CLSTN2: variants seen among roughly 807,000 people sequenced by gnomAD.
CLSTN2 encodes the protein calsyntenin 2.
A neutral mutation model predicts 101.2 loss-of-function variants in CLSTN2; 48 were observed. The observed-to-expected ratio is 0.47, with a 90% CI of 0.38 to 0.60. The LOEUF is 0.60. CLSTN2 is among the 20% of genes least tolerant of loss of function. The pLI, the probability that CLSTN2 is intolerant of heterozygous loss-of-function variation, is 0.00. For missense variants in CLSTN2, 1,160 were observed against 1,238.2 expected (o/e 0.94, Z 0.95); for synonymous variants, 481 against 463.6 (o/e 1.04, Z -0.48).
chr3:140,147,809 T>G (rs1240787222), intron 1 of CLSTN2, among the ~76,000 whole-genome samples: 1 of 152,188 alleles, frequency 6.6e-6, no homozygotes, highest in Non-Finnish European at 1.5e-5. Context: ...GTGCTGGCCA[T>G]TGCTATAGTG....
intron 5 of CLSTN2, among the ~76,000 whole-genome samples, chr3:140,443,129 C>A (rs1932997311): frequency 6.6e-6 from 1 of 152,248 alleles, no homozygotes; most frequent in African/African-American, 2.4e-5. Context: ...TCCAGCCACT[C>A]ACTTTGTGTA....
intron 2 of CLSTN2, among the ~76,000 whole-genome samples, chr3:140,395,548 G>A (rs1451659673): frequency 6.6e-6 from 1 of 152,154 alleles, no homozygotes; most frequent in African/African-American, 2.4e-5. Context: ...CAACCCAGAT[G>A]TGTGAAGAAA....
chr3:140,352,295 A>G (rs1026595525), intron 2 of CLSTN2, among the ~76,000 whole-genome samples: 2 of 152,212 alleles, frequency 1.3e-5, no homozygotes, highest in Non-Finnish European at 2.9e-5. Flanking sequence ...TTGGAAAAGC[A>G]CAGGTGTTAG....
chr3:140,132,571 C>G (rs147326500), intron 1 of CLSTN2, among the ~76,000 whole-genome samples: 14 of 152,234 alleles, frequency 9.2e-5, no homozygotes, highest in South Asian at 4.1e-4. Context: ...GTCTTGGGGT[C>G]AGTTTTCTGC....
chr3:140,483,745 A>G (rs1934179266), intron 8 of CLSTN2, among the ~76,000 whole-genome samples: 1 of 152,078 alleles, frequency 6.6e-6, no homozygotes, highest in Non-Finnish European at 1.5e-5. Flanking sequence ...AGTCTGTTTT[A>G]TCAGAGACTA....
Position 140,348,226 on chromosome 3 carries a change from C to T in CLSTN2, c.233-55403C>T, listed in dbSNP as rs1277133110. On this transcript the variant is annotated intron_variant, in intron 2 of 16. Coordinates refer to ENST00000458420, the MANE Select transcript of CLSTN2 (RefSeq NM_022131.3). The stretch of plus-strand genomic sequence containing the variant: ...TGGATTCAGTTTCTCAGAAAGAAAC[C>T]ACATTTTGCAGTCTAGTCCCATAAG... Among the ~76,000 whole-genome samples, 4 of 152,240 alleles carry T rather than the reference C, an allele frequency of 2.6e-5. No homozygotes were observed. In the East Asian group the frequency reaches 5.8e-4, roughly 22 times the overall value.
chr3:140,306,845 CTTT>C (rs892343430), intron 2 of CLSTN2, among the ~76,000 whole-genome samples: 3 of 114,772 alleles, frequency 2.6e-5, no homozygotes, highest in Admixed American at 8.9e-5. Flanking sequence ...CCATTTTTGT[CTTT>C]TTATTATTAT....
At chr3:140,322,563 G>A (rs1198547325) in intron 2 of CLSTN2, among the ~76,000 whole-genome samples, 5 of 152,218 alleles carry the variant, frequency 3.3e-5, no homozygotes, top group African/African-American at 1.2e-4. Context: ...AGATGTCAAT[G>A]TACTGAGTCT....
chr3:140,394,999 T>G (rs144955785), intron 2 of CLSTN2, among the ~76,000 whole-genome samples: 1 of 152,228 alleles, frequency 6.6e-6, no homozygotes, highest in East Asian at 1.9e-4. Context: ...GAGGGACCTC[T>G]CCAAGTCTCT....
At chr3:140,187,997 G>C (rs1377553901) in intron 2 of CLSTN2, among the ~76,000 whole-genome samples, 1 of 152,084 alleles carries the variant, frequency 6.6e-6, no homozygotes, top group Non-Finnish European at 1.5e-5. Flanking sequence ...CATCCTCATG[G>C]CCACAGGTCC....
At chr3:140,286,602 C>A (rs955203770) in intron 2 of CLSTN2, among the ~76,000 whole-genome samples, 1 of 152,224 alleles carries the variant, frequency 6.6e-6, no homozygotes, top group African/African-American at 2.4e-5. Context: ...CCTCCCTCCT[C>A]AGCCTTGGAG....
At position 140,170,220 on chromosome 3, in the gene CLSTN2, A is replaced by G. The variant is rs990747290; in HGVS notation, c.110-5731A>G. On this transcript the variant is annotated intron_variant, in intron 1 of 16. Transcript: ENST00000458420. ...TCCTCAAAATGATCATTTGACCACT[A>G]AAAAGAATAAGTAATTATTGTACAA... Among the ~76,000 whole-genome samples, 8 of 152,314 alleles carry G rather than the reference A, an allele frequency of 5.3e-5. No individual in the cohort carries two copies. In the South Asian group the frequency reaches 6.2e-4, roughly 12 times the overall value.
chr3:140,179,620 C>CAAAAAAAAAAAAAAAAA (rs57433306), intron 2 of CLSTN2, among the ~76,000 whole-genome samples: 2 of 37,458 alleles, frequency 5.3e-5, no homozygotes, highest in African/African-American at 8.0e-5. Flanking sequence ...GACCCTATCT[C>CAAAAAAAAAAAAAAAAA]AAAAAAAAAA....
intron 9 of CLSTN2, among the ~76,000 whole-genome samples, chr3:140,535,864 T>C (rs184383526): frequency 4.5e-4 from 69 of 152,336 alleles, no homozygotes; most frequent in African/African-American, 1.5e-3. Context: ...TATTGCTAAT[T>C]GGTCATTTTG....
chr3:140,502,073 A>G (rs559783039), intron 8 of CLSTN2, among the ~76,000 whole-genome samples: 2 of 152,338 alleles, frequency 1.3e-5, no homozygotes, highest in South Asian at 4.1e-4. Context: ...CAATGCAAAG[A>G]TCTTAGCCCA....
chr3:140,217,973 A>G (rs1030144125), intron 2 of CLSTN2, among the ~76,000 whole-genome samples: 2 of 152,218 alleles, frequency 1.3e-5, no homozygotes, highest in African/African-American at 2.4e-5. Context: ...CAAAACCTTA[A>G]TTTGATGACT....
chr3:139,983,527 T>A (rs1463038356), intron 1 of CLSTN2, among the ~76,000 whole-genome samples: 1 of 152,200 alleles, frequency 6.6e-6, no homozygotes, highest in Non-Finnish European at 1.5e-5. Context: ...TGCTGTTATG[T>A]TATGAACTTT....
intron 2 of CLSTN2, among the ~76,000 whole-genome samples, chr3:140,363,421 C>T (rs144263010): frequency 6.8e-4 from 104 of 152,246 alleles, no homozygotes; most frequent in African/African-American, 2.5e-3. Context: ...GTGACAGTTA[C>T]AGAACTCCGT....
At chr3:140,423,107 T>A (rs1317565456) in intron 5 of CLSTN2, among the ~76,000 whole-genome samples, 3 of 152,232 alleles carry the variant, frequency 2.0e-5, no homozygotes, top group African/African-American at 7.2e-5. Context: ...AATGCTTCTT[T>A]GACTTTGACA....
Sources: gnomAD v4.1 joint callset for allele counts (sites outside exome capture counted in the v4.1 genomes callset) on GRCh38, gnomAD v4.1.1 for gene constraint, MANE v1.5 for transcripts, NCBI Gene and HGNC (gene_info 2026-07-23, HGNC 2026-07-21) for gene names.